KIFAP3: variants seen among roughly 807,000 people sequenced by gnomAD.
KIFAP3 encodes kinesin-associated protein 3.
Under a neutral mutation model 106.5 loss-of-function variants are expected in KIFAP3, and 68 were observed. That is an observed-to-expected ratio of 0.64 (90% confidence interval 0.53 to 0.78). The LOEUF is 0.78. KIFAP3 is among the 30% of genes least tolerant of loss of function. The pLI, the probability that KIFAP3 is intolerant of heterozygous loss-of-function variation, is 0.00. For synonymous variants in KIFAP3, 320 were observed against 311.5 expected, an observed-to-expected ratio of 1.03 and a Z score of -0.29; for missense variants, 780 against 941.8, an observed-to-expected ratio of 0.83 and a Z score of 2.25.
At chr1:170,028,228 A>T (rs1382768923) in intron 8 of KIFAP3, among the ~76,000 whole-genome samples, 1 of 152,168 alleles carries the variant, frequency 6.6e-6, no homozygotes. Flanking sequence ...TATCAATGGA[A>T]ATGGTAACTC....
chr1:169,975,188 A>G (rs1274199417), intron 16 of KIFAP3, among the ~76,000 whole-genome samples: 2 of 152,078 alleles, frequency 1.3e-5, no homozygotes. Flanking sequence ...GGCCAACTGT[A>G]TTTTATTTCC....
intron 9 of KIFAP3, among the ~76,000 whole-genome samples, chr1:170,018,865 C>T (rs1430928110): frequency 6.6e-6 from 1 of 152,140 alleles, no homozygotes; most frequent in Admixed American, 6.5e-5. Flanking sequence ...TCCACAGCCA[C>T]ACTGTAGTCA....
chr1:170,006,420 G>A (rs1406631563), intron 10 of KIFAP3, among the ~76,000 whole-genome samples: 1 of 152,164 alleles, frequency 6.6e-6, no homozygotes, highest in Non-Finnish European at 1.5e-5. Context: ...GAGACTGATG[G>A]AACTCCATAT....
chr1:169,991,853 TTA>T (rs1473222412), intron 11 of KIFAP3, among the ~76,000 whole-genome samples: 2 of 152,046 alleles, frequency 1.3e-5, no homozygotes, highest in Admixed American at 6.6e-5. Context: ...GAGAGTATAA[TTA>T]TGATATATTA....
chr1:169,965,277 G>C (rs1288331626), intron 17 of KIFAP3, among the ~76,000 whole-genome samples: 1 of 152,000 alleles, frequency 6.6e-6, no homozygotes, highest in Non-Finnish European at 1.5e-5. Context: ...ATTTAAATCT[G>C]ATTGAATTAT....
chr1:169,924,104 A>T (rs550074543), intron 19 of KIFAP3, among the ~76,000 whole-genome samples: 2 of 152,202 alleles, frequency 1.3e-5, no homozygotes, highest in Admixed American at 1.3e-4. Flanking sequence ...CCTGATGGTT[A>T]TAACTTTCAT....
intron 17 of KIFAP3, among the ~76,000 whole-genome samples, chr1:169,970,078 G>A (rs1665827019): frequency 6.6e-6 from 1 of 151,984 alleles, no homozygotes; most frequent in Admixed American, 6.6e-5. Flanking sequence ...TAGATCGGAG[G>A]GGTAGGTGAT....
chr1:170,073,196 A>G (rs1419828926), intron 1 of KIFAP3, among the ~76,000 whole-genome samples: 1 of 152,222 alleles, frequency 6.6e-6, no homozygotes, highest in Non-Finnish European at 1.5e-5. Context: ...TATTTTAAAA[A>G]CCAACGTTAA....
chr1:169,999,328 T>C (rs1320531226), intron 10 of KIFAP3, among the ~76,000 whole-genome samples: 3 of 152,178 alleles, frequency 2.0e-5, no homozygotes, highest in Admixed American at 1.3e-4. Flanking sequence ...CCGGCTATGA[T>C]TCCTCTACAT....
chr1:169,965,631 A>C (rs1460046934), intron 17 of KIFAP3, among the ~76,000 whole-genome samples: 1 of 152,078 alleles, frequency 6.6e-6, no homozygotes, highest in African/African-American at 2.4e-5. Context: ...TTTTAAGATT[A>C]TCCTAATTTA....
intron 10 of KIFAP3, among the ~76,000 whole-genome samples, chr1:170,008,203 A>G (rs1472293634): frequency 6.6e-6 from 1 of 151,638 alleles, no homozygotes; most frequent in Non-Finnish European, 1.5e-5. Context: ...CAGGACATAG[A>G]CATGGGCAAA....
At chr1:170,008,458 A>C (rs1218018384) in intron 10 of KIFAP3, among the ~76,000 whole-genome samples, 1 of 151,728 alleles carries the variant, frequency 6.6e-6, no homozygotes, top group Non-Finnish European at 1.5e-5. Flanking sequence ...AAGTGGGAGA[A>C]AGATATGAAT....
chr1:169,965,634 CTAATT>C (rs1423668745), intron 17 of KIFAP3, among the ~76,000 whole-genome samples: 1 of 151,974 alleles, frequency 6.6e-6, no homozygotes, highest in African/African-American at 2.4e-5. Context: ...TAAGATTATC[CTAATT>C]TAACAATAAC....
At chr1:169,979,862 C>A (rs1034559040) in intron 15 of KIFAP3, among the ~76,000 whole-genome samples, 1 of 146,630 alleles carries the variant, frequency 6.8e-6, no homozygotes, top group Non-Finnish European at 1.5e-5. Flanking sequence ...CTCCCCCCCA[C>A]AAAAACCTAA....
chr1:169,938,333 A>G (rs1663920582), intron 19 of KIFAP3, among the ~76,000 whole-genome samples: 1 of 151,942 alleles, frequency 6.6e-6, no homozygotes, highest in South Asian at 2.1e-4. Flanking sequence ...TTATTAAAAA[A>G]TTTTCCCATA....
intron 17 of KIFAP3, among the ~76,000 whole-genome samples, chr1:169,971,630 G>C (rs2101888335): frequency 6.6e-6 from 1 of 152,032 alleles, no homozygotes; most frequent in African/African-American, 2.4e-5. Flanking sequence ...TGATTGTCTA[G>C]TTTCCTGATT....
At chr1:169,942,218 A>T (rs1017922066) in intron 19 of KIFAP3, among the ~76,000 whole-genome samples, 45 of 152,250 alleles carry the variant, frequency 3.0e-4, no homozygotes, top group Non-Finnish European at 3.8e-4. Flanking sequence ...TTGAAACTAA[A>T]CATACAAAAT....
intron 1 of KIFAP3, among the ~76,000 whole-genome samples, chr1:170,066,941 G>A (rs1425250945): frequency 6.6e-6 from 1 of 152,002 alleles, no homozygotes; most frequent in Non-Finnish European, 1.5e-5. Flanking sequence ...AGCCTCAAAT[G>A]ATTATTTATA....
upstream of KIFAP3, among the ~76,000 whole-genome samples, chr1:170,078,067 G>A: frequency 6.6e-6 from 1 of 152,028 alleles, no homozygotes; most frequent in South Asian, 2.1e-4. Flanking sequence ...AGTTATCTAA[G>A]AATAGGTTTA....
Sources: gnomAD v4.1 joint callset for allele counts (sites outside exome capture counted in the v4.1 genomes callset) on GRCh38, gnomAD v4.1.1 for gene constraint, MANE v1.5 for transcripts, NCBI Gene and HGNC (gene_info 2026-07-23, HGNC 2026-07-21) for gene names.